Variants in BMPR2 observed in about 807,000 individuals in gnomAD.
The protein encoded by BMPR2 is bone morphogenetic protein receptor type 2.
Under a neutral mutation model 100.8 loss-of-function variants are expected in BMPR2, and 29 were observed. That is an observed-to-expected ratio of 0.29 (90% CI 0.21 to 0.39). The LOEUF (loss-of-function observed/expected upper bound fraction) is 0.39. BMPR2 is among the 10% of genes least tolerant of loss of function. The pLI, the probability that BMPR2 is intolerant of heterozygous loss-of-function variation, is 1.00. For missense variants in BMPR2, 1,011 were observed against 1,274.5 expected (o/e 0.79, Z 3.15); for synonymous variants, 382 against 442.3 (o/e 0.86, Z 1.71).
chr2:202,469,661 T>C (rs764626265), intron 3 of BMPR2: 9 of 159,324 alleles, frequency 5.6e-5, no homozygotes, highest in Admixed American at 2.6e-4. Flanking sequence ...GTATATTTAG[T>C]AGAGATGGGG....
intron 1 of BMPR2, among the ~76,000 whole-genome samples, chr2:202,400,641 T>C (rs1378448422): frequency 6.6e-6 from 1 of 152,218 alleles, no homozygotes; most frequent in South Asian, 2.1e-4. Flanking sequence ...ATAATGGTTA[T>C]ATTTAATGAG....
At chr2:202,542,233 A>T (rs1688290012) in intron 9 of BMPR2, 78 bp from the exon 10 acceptor site, 5 of 1,549,372 alleles carry the variant, frequency 3.2e-6, no homozygotes, top group African/African-American at 1.4e-5. Context: ...CTTACTTGGT[A>T]TCAGAAATAC....
At chr2:202,519,547 CTTCT>C (rs1432320394) in intron 6 of BMPR2, among the ~76,000 whole-genome samples, 5 of 152,220 alleles carry the variant, frequency 3.3e-5, no homozygotes, top group African/African-American at 4.8e-5. Flanking sequence ...CTGTCTCCTC[CTTCT>C]TTCTGTTTTT....
intron 1 of BMPR2, among the ~76,000 whole-genome samples, chr2:202,454,251 G>T (rs1274303894): frequency 6.6e-6 from 1 of 151,772 alleles, no homozygotes. Context: ...TTGTATTTTT[G>T]GTAGAGATAG....
chr2:202,475,207 C>T (rs922236533), intron 3 of BMPR2: 1 of 151,846 alleles, frequency 6.6e-6, no homozygotes, highest in African/African-American at 2.4e-5. Context: ...GGTGGGAGTG[C>T]AGGTTTTTTG....
At position 202,452,322 on chromosome 2, in the gene BMPR2, A is replaced by G. The variant is rs78342494; in HGVS notation, c.77-12487A>G. 4.6e-4 allele frequency among the ~76,000 whole-genome samples: 70 copies of G among 152,288 alleles called. No homozygotes were observed. The East Asian group carries it at 0.013, about 27-fold the overall frequency. On this transcript the variant is annotated intron_variant, in intron 1 of 12. Coordinates refer to ENST00000374580, the MANE Select transcript of BMPR2 (RefSeq NM_001204.7). ...ATTTATCCATATTGTTACATAATCT[A>G]TTCCTTTTATTGCTGAGTAGTAACT...
chr2:202,409,799 T>G (rs1168069582), intron 1 of BMPR2, among the ~76,000 whole-genome samples: 1 of 152,186 alleles, frequency 6.6e-6, no homozygotes, highest in Non-Finnish European at 1.5e-5. Context: ...GTGGTGTCAT[T>G]AGTAAGTTTC....
intron 1 of BMPR2, among the ~76,000 whole-genome samples, chr2:202,445,288 G>A (rs751596374): frequency 1.3e-5 from 2 of 149,026 alleles, no homozygotes; most frequent in Non-Finnish European, 3.0e-5. Context: ...GTGCAGTTGG[G>A]TGATCACAGC....
At chr2:202,461,314 G>A (rs533454696) in intron 1 of BMPR2, among the ~76,000 whole-genome samples, 45 of 152,058 alleles carry the variant, frequency 3.0e-4, no homozygotes, top group African/African-American at 9.9e-4. Context: ...ATGAAACCTC[G>A]TCTCTACTAA....
chr2:202,519,140 T>C lies in BMPR2; in HGVS notation c.852+88T>C, dbSNP rs41271467. On this transcript the variant is annotated intron_variant, in intron 6 of 12. Coordinates refer to ENST00000374580, the MANE Select transcript of BMPR2 (RefSeq NM_001204.7). ...ACTTTTGGAGGCTAAGGCAGGTGGA[T>C]CACTTGAGGCCAAGAGTTCAGGACC... 0.016 allele frequency: 21,339 copies of C among 1,353,700 alleles called. 255 individuals are homozygous for C. Among genetic ancestry groups the C allele is most frequent in the Non-Finnish European group, 0.021 (19,519 of 945,918 alleles). 83.9% of individuals were successfully genotyped at this position (1,353,700 alleles called of 1,614,324 possible).
chr2:202,416,994 G>A lies in BMPR2; in HGVS notation c.76+39444G>A, dbSNP rs368125951. On this transcript the variant is annotated intron_variant, in intron 1 of 12. Transcript: ENST00000374580. Reference sequence around the variant, plus strand: ...TGGGACTACAGGCACCCGCCACCACGCCCGGCTAATTTTTTGTGTTTTTAG... The same window carrying A: ...TGGGACTACAGGCACCCGCCACCACACCCGGCTAATTTTTTGTGTTTTTAG... Among the ~76,000 whole-genome samples, 5 of 151,200 alleles carry A rather than the reference G, an allele frequency of 3.3e-5. No individual in the cohort carries two copies. The East Asian group carries it at 5.9e-4, about 18-fold the overall frequency.
rs536472938 is a variant in BMPR2, at chr2:202,521,587, A to T, written c.967+1386A>T. Among the ~76,000 whole-genome samples, 90 of 151,536 alleles carry T rather than the reference A, an allele frequency of 5.9e-4. 1 individual carries two copies. The highest frequency in any genetic ancestry group is 2.0e-3 in the African/African-American group (82 of 41,346). ...CAGAAAAAAAAAAAAAGCAAATGTGAACTGGAACACTAATTGAAGAGTTTC... is the reference window on the plus strand; with the variant it reads ...CAGAAAAAAAAAAAAAGCAAATGTGTACTGGAACACTAATTGAAGAGTTTC... On this transcript the variant is annotated intron_variant, in intron 7 of 12. Coordinates refer to ENST00000374580, the MANE Select transcript of BMPR2 (RefSeq NM_001204.7).
chr2:202,488,112 G>A (rs1239473800), intron 3 of BMPR2, among the ~76,000 whole-genome samples: 1 of 152,122 alleles, frequency 6.6e-6, no homozygotes, highest in Non-Finnish European at 1.5e-5. Flanking sequence ...TACACACTAT[G>A]CATGCAAGCC....
At chr2:202,379,055 A>G (rs569442542) in intron 1 of BMPR2, among the ~76,000 whole-genome samples, 1 of 152,366 alleles carries the variant, frequency 6.6e-6, no homozygotes, top group East Asian at 1.9e-4. Context: ...TAATACAATC[A>G]TCTTAGAATA....
intron 3 of BMPR2, among the ~76,000 whole-genome samples, chr2:202,481,185 T>G (rs1692653844): frequency 6.6e-6 from 1 of 152,016 alleles, no homozygotes; most frequent in African/African-American, 2.4e-5. Flanking sequence ...TCTCTTCTCT[T>G]CTCTTCTCTT....
In BMPR2 at chr2:202,442,058, G is replaced by A. The variant is rs947716720; in HGVS notation, c.77-22751G>A. Among the ~76,000 whole-genome samples, 25 of 150,426 alleles carry A rather than the reference G, an allele frequency of 1.7e-4. 3 individuals carry two copies. The highest frequency in any genetic ancestry group is 6.0e-4 in the African/African-American group (24 of 39,904). On this transcript the variant is annotated intron_variant, in intron 1 of 12. Transcript: ENST00000374580. ...CTCAAAAAAAAAAAAATTATAAAAT[G>A]CATTGAAAGTGGGATAATGGAAATG...
At chr2:202,392,391 T>A (rs1690567993) in intron 1 of BMPR2, among the ~76,000 whole-genome samples, 1 of 152,188 alleles carries the variant, frequency 6.6e-6, no homozygotes, top group African/African-American at 2.4e-5. Flanking sequence ...TCTTAACTGC[T>A]GGACTGTACT....
intron 5 of BMPR2, among the ~76,000 whole-genome samples, chr2:202,515,414 A>G (rs1006023931): frequency 6.4e-4 from 97 of 151,010 alleles, no homozygotes; most frequent in African/African-American, 2.3e-3. Flanking sequence ...TCTGCTAAAA[A>G]TACAAAATTA....
rs555608283 is a variant in BMPR2 at position 202,467,976 on chromosome 2, G to A, written c.418+287G>A. On this transcript the variant is annotated intron_variant, in intron 3 of 12. Transcript: ENST00000374580. ...ACAGGAGAATTGATTGAACCCGGGA[G>A]GCAGAGGTTGCAGTGAGCCAAGATT... Among the ~76,000 whole-genome samples, 285 of 152,146 alleles carry A rather than the reference G, an allele frequency of 1.9e-3. 1 individual carries two copies. Among genetic ancestry groups the A allele is most frequent in the African/African-American group, 6.4e-3 (267 of 41,510 alleles).
Sources: gnomAD v4.1 joint callset for allele counts (sites outside exome capture counted in the v4.1 genomes callset) on GRCh38, gnomAD v4.1.1 for gene constraint, MANE v1.5 for transcripts, NCBI Gene and HGNC (gene_info 2026-07-23, HGNC 2026-07-21) for gene names.